PLXNA4: variants seen among roughly 807,000 people sequenced by gnomAD.
The protein encoded by PLXNA4 is plexin-A4.
In PLXNA4, 44 loss-of-function variants were observed where a neutral mutation model predicts 191.8. That is an observed-to-expected ratio of 0.23 (90% confidence interval 0.18 to 0.29). The LOEUF is 0.29. Among genes scored for constraint, PLXNA4 ranks in the 10% least tolerant of loss-of-function variants. The pLI, the probability that PLXNA4 is intolerant of heterozygous loss-of-function variation, is 1.00. For missense variants in PLXNA4, 1,800 were observed against 2,488.8 expected (o/e 0.72, Z 5.89); for synonymous variants, 1,082 against 1,009.5 (o/e 1.07, Z -1.36).
intron 3 of PLXNA4, among the ~76,000 whole-genome samples, chr7:132,394,031 C>T (rs2117007563): frequency 6.6e-6 from 1 of 151,092 alleles, no homozygotes; most frequent in East Asian, 1.9e-4. Flanking sequence ...GCCTGACCTT[C>T]CCCAATCCTC....
intron 2 of PLXNA4, among the ~76,000 whole-genome samples, chr7:132,635,201 T>TATATATATATATATATATATATAC (rs1202922683): frequency 7.6e-6 from 1 of 130,940 alleles, no homozygotes; most frequent in African/African-American, 2.9e-5. Flanking sequence ...TATATATATA[T>TATATATATATATATATATATATAC]ACGTATCCTA....
chr7:132,533,589 G>T (rs1404670764), intron 1 of PLXNA4, among the ~76,000 whole-genome samples: 2 of 152,222 alleles, frequency 1.3e-5, no homozygotes, highest in Non-Finnish European at 2.9e-5. Context: ...TCTATTTGAT[G>T]CTCTGGGCCT....
intron 31 of PLXNA4, among the ~76,000 whole-genome samples, chr7:132,132,478 C>CTGTAT (rs1563048426): frequency 1.6e-5 from 1 of 62,592 alleles, no homozygotes; most frequent in Non-Finnish European, 3.2e-5. Context: ...CTCTGCTCTG[C>CTGTAT]TCTGCTCTGC....
chr7:132,227,270 G>T (rs1798357530), intron 7 of PLXNA4, among the ~76,000 whole-genome samples, 181 bp downstream of exon 7: 1 of 152,240 alleles, frequency 6.6e-6, no homozygotes, highest in Non-Finnish European at 1.5e-5. Flanking sequence ...AACAGTCAAT[G>T]CCAAGGGCAA....
At chr7:132,352,060 C>T (rs1392748980) in intron 3 of PLXNA4, among the ~76,000 whole-genome samples, 4 of 152,122 alleles carry the variant, frequency 2.6e-5, no homozygotes, top group Admixed American at 2.6e-4. Flanking sequence ...TAATATCGGC[C>T]TTTAATTGGA....
intron 12 of PLXNA4, among the ~76,000 whole-genome samples, chr7:132,199,942 A>G (rs1797378751): frequency 6.6e-6 from 1 of 152,186 alleles, no homozygotes; most frequent in Non-Finnish European, 1.5e-5. Context: ...TTCCCTGGAG[A>G]CACAGGCCCA....
intron 6 of PLXNA4, 80 bp downstream of exon 6, chr7:132,228,266 C>T (rs997329836): frequency 5.7e-6 from 9 of 1,581,542 alleles, no homozygotes; most frequent in Non-Finnish European, 6.0e-6. Context: ...TCCAGAGGGG[C>T]CTTGGGCTAA....
chr7:132,457,326 A>G (rs1216922120), intron 3 of PLXNA4, among the ~76,000 whole-genome samples: 1 of 152,230 alleles, frequency 6.6e-6, no homozygotes, highest in Non-Finnish European at 1.5e-5. Context: ...TCCATTTCAG[A>G]TTATTCATTA....
chr7:132,197,907 G>T (rs1402691370), intron 13 of PLXNA4, among the ~76,000 whole-genome samples: 1 of 152,198 alleles, frequency 6.6e-6, no homozygotes, highest in East Asian at 1.9e-4. Flanking sequence ...AGTTGTGTTT[G>T]CTGGGCTGGA....
Position 132,133,602 on chromosome 7 carries a change from G to A in PLXNA4, c.5439-403C>T, listed in dbSNP as rs192385342. 2.5e-3 allele frequency among the ~76,000 whole-genome samples: 387 copies of A among 152,206 alleles called. 5 individuals carry two copies. The highest frequency in any genetic ancestry group is 8.6e-3 in the African/African-American group (359 of 41,522). ...TCCAGCAGGGCCCGAAGGCTCTTCC[G>A]AGCGGTTGCTCTTCTCTGATGTCCT... On this transcript the variant is annotated intron_variant, in intron 30 of 31. Coordinates refer to ENST00000321063, the MANE Select transcript of PLXNA4 (RefSeq NM_020911.2).
chr7:132,170,261 C>A (rs1796244194), intron 21 of PLXNA4, among the ~76,000 whole-genome samples: 1 of 152,082 alleles, frequency 6.6e-6, no homozygotes, highest in Non-Finnish European at 1.5e-5. Flanking sequence ...CACACAGCAC[C>A]AAAAAGGTAG....
chr7:132,533,710 A>T, intron 1 of PLXNA4, among the ~76,000 whole-genome samples: 1 of 152,210 alleles, frequency 6.6e-6, no homozygotes, highest in South Asian at 2.1e-4. Context: ...GCAGGACCAG[A>T]GAGCTCTGCT....
At chr7:132,267,370 G>T (rs1411553437) in intron 4 of PLXNA4, among the ~76,000 whole-genome samples, 1 of 152,178 alleles carries the variant, frequency 6.6e-6, no homozygotes, top group Non-Finnish European at 1.5e-5. Context: ...CAGTCGCAAA[G>T]CCAGGTGTCC....
At chr7:132,159,423 G>A in intron 25 of PLXNA4, 50 bp downstream of exon 25, 1 of 1,601,556 alleles carries the variant, frequency 6.2e-7, no homozygotes, top group Non-Finnish European at 8.5e-7. Context: ...AAGGTGAGGT[G>A]TGTTCAGGAG....
chr7:132,367,469 C>G (rs968295791), intron 3 of PLXNA4, among the ~76,000 whole-genome samples: 4 of 145,228 alleles, frequency 2.8e-5, no homozygotes, highest in African/African-American at 5.2e-5. Flanking sequence ...AAGGAACTGC[C>G]ATGGAGCCTG....
Position 132,133,205 on chromosome 7 carries a change from G to A in PLXNA4, c.5439-6C>T, listed in dbSNP as rs776456130. On this transcript the variant is annotated splice_region_variant and splice_polypyrimidine_tract_variant and intron_variant, in intron 30 of 31. Transcript: ENST00000321063. ...TCCCTATGTCTGAGTAATACCTGTG[G>A]AGGGATGGAAATAGGGAGAAGCTGA... 3.1e-6 allele frequency: 5 copies of A among 1,613,896 alleles called. No homozygotes were observed. Among genetic ancestry groups the A allele is most frequent in the Non-Finnish European group, 4.2e-6 (5 of 1,179,908 alleles).
intron 9 of PLXNA4, among the ~76,000 whole-genome samples, 164 bp downstream of exon 9, chr7:132,223,363 C>T (rs1227149749): frequency 6.6e-6 from 1 of 152,204 alleles, no homozygotes; most frequent in Admixed American, 6.5e-5. Context: ...CAGCACAGAG[C>T]TTGGCATATT....
chr7:132,417,550 T>C (rs1469089545), intron 3 of PLXNA4, among the ~76,000 whole-genome samples: 1 of 152,206 alleles, frequency 6.6e-6, no homozygotes, highest in African/African-American at 2.4e-5. Flanking sequence ...TTTCTGTATC[T>C]TTTAAATCTG....
chr7:132,500,120 C>G (rs1015615177), intron 2 of PLXNA4, among the ~76,000 whole-genome samples: 3 of 152,194 alleles, frequency 2.0e-5, no homozygotes, highest in African/African-American at 7.2e-5. Flanking sequence ...CAGCAGCAAG[C>G]ACTGGCCCAA....
Sources: allele counts gnomAD v4.1 joint callset (sites outside exome capture counted in the v4.1 genomes callset), GRCh38; gene constraint gnomAD v4.1.1; transcripts MANE v1.5; gene names NCBI Gene and HGNC (gene_info 2026-07-23, HGNC 2026-07-21).